LYPD6: variants seen among roughly 807,000 people sequenced by gnomAD.
LYPD6 encodes the protein LY6/PLAUR domain containing 6.
A neutral mutation model predicts 22.7 loss-of-function variants in LYPD6; 15 were observed. The observed-to-expected ratio is 0.66, with a 90% CI of 0.44 to 1.02. The LOEUF (loss-of-function observed/expected upper bound fraction) is 1.02. Among genes scored for constraint, LYPD6 ranks in the 50% least tolerant of loss-of-function variants. The pLI, the probability that LYPD6 is intolerant of heterozygous loss-of-function variation, is 0.00. For missense variants in LYPD6, 189 were observed against 208.4 expected (o/e 0.91, Z 0.57); for synonymous variants, 72 against 77.5 (o/e 0.93, Z 0.37).
In LYPD6 at chr2:149,437,973, T is replaced by C. The variant is rs537251447; in HGVS notation, c.118+147T>C. ...GTGCGGTAATTTACAAAAGATGTTT[T>C]ATGCTTTACCCTCACCTTTTCACAA... On this transcript the variant is annotated intron_variant, in intron 2 of 4. Transcript: ENST00000334166. 1.8e-5 allele frequency: 17 copies of C among 943,636 alleles called. No homozygotes were observed. The Admixed American group carries it at 4.1e-4, about 23-fold the overall frequency. The allele number at this position is 943,636 out of a possible 1,614,324, so 58.5% of individuals were successfully genotyped here.
At chr2:149,481,373 A>G in the LYPD6 span, among the ~76,000 whole-genome samples, 5 of 152,256 alleles carry the variant, frequency 3.3e-5, no homozygotes, top group South Asian at 4.1e-4. Context: ...TGGTTGCAAC[A>G]TAAATTGTTA....
intron 1 of LYPD6, among the ~76,000 whole-genome samples, chr2:149,436,954 C>T (rs369870150): frequency 2.0e-5 from 3 of 152,198 alleles, no homozygotes; most frequent in African/African-American, 7.2e-5. Flanking sequence ...GTGCAGACTC[C>T]AAAGCCACAT....
At chr2:149,446,330 A>G (rs188750643) in intron 2 of LYPD6, among the ~76,000 whole-genome samples, 2 of 152,222 alleles carry the variant, frequency 1.3e-5, no homozygotes, top group Non-Finnish European at 2.9e-5. Context: ...GCAATTGGAA[A>G]ATGACACCGA....
At chr2:149,428,979 G>A (rs1392858315) in intron 1 of LYPD6, among the ~76,000 whole-genome samples, 1 of 152,130 alleles carries the variant, frequency 6.6e-6, no homozygotes, top group Non-Finnish European at 1.5e-5. Flanking sequence ...GGCTAATGAG[G>A]TTATTCAAAC....
intron 1 of LYPD6, among the ~76,000 whole-genome samples, chr2:149,375,320 GA>G (rs1463550216): frequency 6.6e-6 from 1 of 152,182 alleles, no homozygotes; most frequent in Non-Finnish European, 1.5e-5. Context: ...TTGGCGAGAT[GA>G]AGTCATGGAC....
chr2:149,337,732 C>T (rs2105045863), intron 1 of LYPD6, among the ~76,000 whole-genome samples: 1 of 152,266 alleles, frequency 6.6e-6, no homozygotes, highest in South Asian at 2.1e-4. Context: ...TATTTCCTCA[C>T]CCAGGAAATA....
chr2:149,347,957 T>G (rs1681287889), intron 1 of LYPD6, among the ~76,000 whole-genome samples: 1 of 150,550 alleles, frequency 6.6e-6, no homozygotes, highest in Non-Finnish European at 1.5e-5. Context: ...GGCTCAAGCC[T>G]GTAATCCCAG....
chr2:149,447,459 TG>T (rs1157928957), intron 2 of LYPD6, among the ~76,000 whole-genome samples: 1 of 152,216 alleles, frequency 6.6e-6, no homozygotes, highest in Non-Finnish European at 1.5e-5. Context: ...TAGCCTCTGG[TG>T]CCTCATCCCC....
At position 149,344,111 on chromosome 2, in the gene LYPD6, G is replaced by A. The variant is rs374069661; in HGVS notation, c.-72+13389G>A. On this transcript the variant is annotated intron_variant, in intron 1 of 4. Transcript: ENST00000334166. ...AATATTGGACTATCTGGTGTCTGAC[G>A]TCCTTCTATGTTTTAAATTCTGTGA... 3.2e-4 allele frequency among the ~76,000 whole-genome samples: 49 copies of A among 152,176 alleles called. 1 individual carries two copies. The highest frequency in any genetic ancestry group is 2.1e-4 in the South Asian group (1 of 4,806).
chr2:149,334,791 C>T (rs1681003945), intron 1 of LYPD6, among the ~76,000 whole-genome samples: 2 of 148,258 alleles, frequency 1.3e-5, no homozygotes, highest in Non-Finnish European at 3.0e-5. Flanking sequence ...GGGGGATTGA[C>T]GTATTAGAGT....
At chr2:149,337,061 C>G (rs1191746129) in intron 1 of LYPD6, among the ~76,000 whole-genome samples, 1 of 151,740 alleles carries the variant, frequency 6.6e-6, no homozygotes, top group Non-Finnish European at 1.5e-5. Flanking sequence ...CATTCAAATC[C>G]ATAACTCAGG....
intron 1 of LYPD6, among the ~76,000 whole-genome samples, chr2:149,390,753 T>C (rs1682289812): frequency 6.6e-6 from 1 of 152,208 alleles, no homozygotes; most frequent in African/African-American, 2.4e-5. Flanking sequence ...CAGAGTAGTG[T>C]AGACAGTTAA....
chr2:149,449,218 A>G, intron 3 of LYPD6, 71 bp downstream of exon 3: 1 of 999,478 alleles, frequency 1.0e-6, no homozygotes, highest in Non-Finnish European at 1.5e-6. Context: ...GACTTTGGTG[A>G]TGTATAAAGA....
chr2:149,352,295 G>T (rs568269216), intron 1 of LYPD6, among the ~76,000 whole-genome samples: 1 of 152,130 alleles, frequency 6.6e-6, no homozygotes, highest in Non-Finnish European at 1.5e-5. Context: ...CTGGGGCTCC[G>T]GAAGGCAAAA....
intron 1 of LYPD6, among the ~76,000 whole-genome samples, chr2:149,431,255 A>G (rs1019104658): frequency 6.6e-6 from 1 of 152,222 alleles, no homozygotes; most frequent in Admixed American, 6.5e-5. Flanking sequence ...AAATAGCAGC[A>G]TCATAAAATG....
chr2:149,373,831 C>T (rs1320507079), intron 1 of LYPD6, among the ~76,000 whole-genome samples: 1 of 152,120 alleles, frequency 6.6e-6, no homozygotes, highest in Non-Finnish European at 1.5e-5. Flanking sequence ...ATTGTATAAG[C>T]TTAATTCTAT....
intron 1 of LYPD6, among the ~76,000 whole-genome samples, chr2:149,431,342 A>G (rs1196892743): frequency 6.6e-6 from 1 of 152,228 alleles, no homozygotes. Flanking sequence ...TCAAAGTCCC[A>G]GGAAAGACTT....
intron 3 of LYPD6, among the ~76,000 whole-genome samples, chr2:149,455,784 C>A (rs1299690561): frequency 6.6e-6 from 1 of 152,168 alleles, no homozygotes; most frequent in Non-Finnish European, 1.5e-5. Flanking sequence ...CATACCTTCC[C>A]AGCTGCCTTT....
At position 149,400,551 on chromosome 2, in the gene LYPD6, T is replaced by C. The variant is rs368834442; in HGVS notation, c.-71-37087T>C. On this transcript the variant is annotated intron_variant, in intron 1 of 4. Coordinates refer to ENST00000334166, the MANE Select transcript of LYPD6 (RefSeq NM_194317.5). ...GGATTATATAGTCATGTGAACTTTTTTGGAGGAAACTGCAAATGTTGCTAG... is the reference window on the plus strand; with the variant it reads ...GGATTATATAGTCATGTGAACTTTTCTGGAGGAAACTGCAAATGTTGCTAG... 7.2e-5 allele frequency among the ~76,000 whole-genome samples: 11 copies of C among 152,340 alleles called. No homozygotes were observed. In the South Asian group the frequency reaches 2.3e-3, roughly 32 times the overall value.
Sources: gnomAD v4.1 joint callset for allele counts (sites outside exome capture counted in the v4.1 genomes callset) on GRCh38, gnomAD v4.1.1 for gene constraint, MANE v1.5 for transcripts, NCBI Gene and HGNC (gene_info 2026-07-23, HGNC 2026-07-21) for gene names.